The following ADARB2 variants were observed in gnomAD, a reference collection of about 807,000 sequenced individuals.
The protein encoded by ADARB2 is inactive double-stranded RNA-specific editase B2.
A neutral mutation model predicts 62.2 loss-of-function variants in ADARB2; 25 were observed. That is an observed-to-expected ratio of 0.40 (90% confidence interval 0.29 to 0.56). The LOEUF is 0.56. Ranked by LOEUF, ADARB2 falls within the 20% of genes least tolerant of loss-of-function variation. The pLI, the probability that ADARB2 is intolerant of heterozygous loss-of-function variation, is 0.43. For synonymous variants in ADARB2, 572 were observed against 500.8 expected, an observed-to-expected ratio of 1.14 and a Z score of -1.90; for missense variants, 1,071 against 1,077.4, an observed-to-expected ratio of 0.99 and a Z score of 0.08.
intron 8 of ADARB2, among the ~76,000 whole-genome samples, chr10:1,192,650 C>A (rs1458201466): frequency 1.3e-5 from 2 of 152,178 alleles, no homozygotes; most frequent in African/African-American, 4.8e-5. Flanking sequence ...TGAGATAGTC[C>A]TAAAAACTTC....
At chr10:1,616,244 T>A (rs1392345885) in intron 1 of ADARB2, among the ~76,000 whole-genome samples, 1 of 152,236 alleles carries the variant, frequency 6.6e-6, no homozygotes, top group African/African-American at 2.4e-5. Context: ...ATTGAAATCA[T>A]CATTCAAAAC....
chr10:1,723,709 G>A (rs1313614295), intron 1 of ADARB2, among the ~76,000 whole-genome samples: 5 of 152,148 alleles, frequency 3.3e-5, no homozygotes, highest in Non-Finnish European at 7.3e-5. Context: ...ACCTTCCAAA[G>A]GGCCAGGAAG....
chr10:1,357,332 T>A (rs778241561), intron 3 of ADARB2, among the ~76,000 whole-genome samples: 17 of 152,138 alleles, frequency 1.1e-4, no homozygotes, highest in Non-Finnish European at 2.2e-4. Context: ...GTGACCTCTC[T>A]GAGTGCTCTG....
At chr10:1,615,096 C>T (rs187776783) in intron 1 of ADARB2, among the ~76,000 whole-genome samples, 1 of 152,114 alleles carries the variant, frequency 6.6e-6, no homozygotes, top group East Asian at 1.9e-4. Context: ...CTGTCTGAGG[C>T]CTGAAGTTTT....
chr10:1,212,152 A>G (rs548596424), intron 7 of ADARB2, among the ~76,000 whole-genome samples: 1 of 152,158 alleles, frequency 6.6e-6, no homozygotes, highest in Non-Finnish European at 1.5e-5. Context: ...AGAATATTTC[A>G]TCCGTATTTG....
At chr10:1,679,356 C>T (rs950567961) in intron 1 of ADARB2, among the ~76,000 whole-genome samples, 12 of 152,084 alleles carry the variant, frequency 7.9e-5, no homozygotes, top group African/African-American at 2.4e-4. Context: ...CCACAATAGC[C>T]AAGGAGTCTC....
At chr10:1,603,260 C>T (rs974908918) in intron 1 of ADARB2, among the ~76,000 whole-genome samples, 5 of 152,232 alleles carry the variant, frequency 3.3e-5, no homozygotes, top group African/African-American at 1.2e-4. Flanking sequence ...GCAGCACCCC[C>T]GGATGACAGC....
chr10:1,266,269 A>T (rs1831199160), intron 4 of ADARB2, among the ~76,000 whole-genome samples: 2 of 152,246 alleles, frequency 1.3e-5, no homozygotes, highest in Admixed American at 1.3e-4. Flanking sequence ...GGGAGGGCCC[A>T]GCCTCGTGCC....
intron 4 of ADARB2, among the ~76,000 whole-genome samples, chr10:1,266,510 G>T (rs11595033): frequency 8.2e-6 from 1 of 121,680 alleles, no homozygotes; most frequent in Non-Finnish European, 1.7e-5. Context: ...GTGGTGGGGG[G>T]TGGGGGGGGG....
chr10:1,703,635 A>G (rs1834852532), intron 1 of ADARB2, among the ~76,000 whole-genome samples: 1 of 152,232 alleles, frequency 6.6e-6, no homozygotes, highest in South Asian at 2.1e-4. Context: ...TTAGCTGTTT[A>G]GCATAATAAT....
chr10:1,462,273 G>A (rs1831184511), intron 1 of ADARB2, among the ~76,000 whole-genome samples: 1 of 152,192 alleles, frequency 6.6e-6, no homozygotes, highest in South Asian at 2.1e-4. Context: ...ACCTGTGTGT[G>A]TGTTCTCTTG....
chr10:1,600,919 G>A (rs768901514), intron 1 of ADARB2, among the ~76,000 whole-genome samples: 3 of 152,140 alleles, frequency 2.0e-5, no homozygotes, highest in African/African-American at 4.8e-5. Flanking sequence ...CAGCCAGCAC[G>A]CAGCTCCTCA....
At chr10:1,386,704 A>G (rs1259859567) in intron 1 of ADARB2, among the ~76,000 whole-genome samples, 2 of 151,938 alleles carry the variant, frequency 1.3e-5, no homozygotes, top group Non-Finnish European at 2.9e-5. Flanking sequence ...ACATAATGCT[A>G]GTTTGAGATT....
intron 1 of ADARB2, among the ~76,000 whole-genome samples, chr10:1,641,971 CCACTG>C (rs1330424464): frequency 6.6e-6 from 1 of 152,048 alleles, no homozygotes; most frequent in African/African-American, 2.4e-5. Context: ...CGAGATGGTG[CCACTG>C]CACTCCAGCC....
intron 1 of ADARB2, among the ~76,000 whole-genome samples, chr10:1,626,005 C>G (rs115569484): frequency 1.2e-4 from 15 of 122,392 alleles, no homozygotes; most frequent in Admixed American, 2.3e-4. Context: ...CAGGCCTCCA[C>G]TGGACCTCAG....
At chr10:1,466,830 C>T (rs1172739894) in intron 1 of ADARB2, among the ~76,000 whole-genome samples, 1 of 152,136 alleles carries the variant, frequency 6.6e-6, no homozygotes, top group Non-Finnish European at 1.5e-5. Flanking sequence ...TCAGAAGCCG[C>T]CTGGGTCTTC....
intron 1 of ADARB2, among the ~76,000 whole-genome samples, chr10:1,666,154 G>T (rs1834313581): frequency 6.6e-6 from 1 of 152,222 alleles, no homozygotes; most frequent in Admixed American, 6.5e-5. Flanking sequence ...TGCCACGAGA[G>T]GTGCGCACAA....
At position 1,271,046 on chromosome 10, in the gene ADARB2, C is replaced by T. The variant is rs1394343245; in HGVS notation, c.1101G>A (p.Gln367=). The T allele has an allele frequency of 6.2e-7, 1 of 1,614,078 alleles. No individual in the cohort carries two copies. The highest frequency in any genetic ancestry group is 1.1e-5 in the South Asian group (1 of 91,042). The change falls in exon 4 of 10, where the codon CAG becomes CAA. Residue 367 remains glutamine (Q), a synonymous_variant. Transcript: ENST00000381312. ...CCTCGCGGAACTTCTGTGTGACCAG[C>T]TGGGATATGGAGTCTGCGAATTCCT... ...MPQEFADSIS[Q]LVTQKFREVT...
At chr10:1,554,878 A>G (rs1832677957) in intron 1 of ADARB2, among the ~76,000 whole-genome samples, 1 of 151,338 alleles carries the variant, frequency 6.6e-6, no homozygotes, top group African/African-American at 2.4e-5. Flanking sequence ...TAGTTTTTCA[A>G]CCCTGTCCCC....
Sources: allele counts gnomAD v4.1 joint callset (sites outside exome capture counted in the v4.1 genomes callset), GRCh38; gene constraint gnomAD v4.1.1; transcripts MANE v1.5; gene names NCBI Gene and HGNC (gene_info 2026-07-23, HGNC 2026-07-21).